The following EYS variants were observed in gnomAD, a reference collection of about 807,000 sequenced individuals.
EYS encodes EGF-like photoreceptor maintenance factor, also known as protein eyes shut homolog.
In EYS, 250 loss-of-function variants were observed where a neutral mutation model predicts 282.1. That is an observed-to-expected ratio of 0.89 (90% CI 0.80 to 0.98). The LOEUF (loss-of-function observed/expected upper bound fraction) is 0.98, where lower values mean the gene tolerates loss of function less well. Ranked by LOEUF, EYS falls within the 50% of genes least tolerant of loss-of-function variation. The pLI is 0.00. For missense variants in EYS, 4,016 were observed against 3,709.0 expected, an observed-to-expected ratio of 1.08 and a Z score of -2.15; for synonymous variants, 1,355 against 1,282.9, an observed-to-expected ratio of 1.06 and a Z score of -1.20.
chr6:65,296,671 T>C (rs1562079213), intron 11 of EYS, among the ~76,000 whole-genome samples: 1 of 151,918 alleles, frequency 6.6e-6, no homozygotes, highest in Non-Finnish European at 1.5e-5. Flanking sequence ...ATATCTGTAC[T>C]CTTGAATACA....
chr6:65,307,867 A>G (rs1400514812), intron 11 of EYS, among the ~76,000 whole-genome samples: 1 of 140,102 alleles, frequency 7.1e-6, no homozygotes, highest in African/African-American at 2.6e-5. Context: ...ATCTTGTCCA[A>G]CAAAAACCTA....
At chr6:64,210,614 C>G (rs902534098) in intron 31 of EYS, among the ~76,000 whole-genome samples, 1 of 151,942 alleles carries the variant, frequency 6.6e-6, no homozygotes, top group Admixed American at 6.6e-5. Flanking sequence ...TGAGAGGAAA[C>G]GACTCAAACC....
chr6:64,004,644 G>T (rs1046118856), intron 33 of EYS, among the ~76,000 whole-genome samples: 9 of 152,158 alleles, frequency 5.9e-5, no homozygotes, highest in African/African-American at 1.9e-4. Flanking sequence ...AGTGTCCGTT[G>T]TTGCCTTCTT....
chr6:65,705,932 A>C lies in EYS; in HGVS notation c.-448+1203T>G, dbSNP rs115740901. Among the ~76,000 whole-genome samples, 757 of 152,126 alleles carry C rather than the reference A, an allele frequency of 5.0e-3. 6 individuals carry two copies. The highest frequency in any genetic ancestry group is 0.017 in the African/African-American group (714 of 41,546). ...TCCACTAGTAATATTGTATTTCCTT[A>C]ATCCTGCTAATAATATAAACTGAAT... On this transcript the variant is annotated intron_variant, in intron 1 of 42. Coordinates refer to ENST00000503581, the MANE Select transcript of EYS (RefSeq NM_001142800.2).
intron 35 of EYS, among the ~76,000 whole-genome samples, chr6:63,878,473 AT>A (rs1773038813): frequency 6.6e-6 from 1 of 152,188 alleles, no homozygotes; most frequent in Non-Finnish European, 1.5e-5. Context: ...CTCAAACTCC[AT>A]GCTCGGAGAA....
At chr6:65,252,613 T>C (rs1327589343) in intron 12 of EYS, among the ~76,000 whole-genome samples, 3 of 151,962 alleles carry the variant, frequency 2.0e-5, no homozygotes, top group African/African-American at 2.4e-5. Context: ...TCAACTGATA[T>C]GGGAAAAGCC....
chr6:65,501,245 G>A (rs9453310), intron 2 of EYS, among the ~76,000 whole-genome samples: 28,959 of 151,616 alleles, frequency 0.19, 3,069 homozygotes, highest in East Asian at 0.31. Context: ...GTCTGTGTGT[G>A]GGAGAAGGGA....
intron 22 of EYS, among the ~76,000 whole-genome samples, chr6:64,792,280 A>G (rs1774214766): frequency 6.6e-6 from 1 of 152,014 alleles, no homozygotes; most frequent in Non-Finnish European, 1.5e-5. Context: ...GGTAAGAAGA[A>G]TGTGTCTGTA....
At chr6:64,449,303 AG>A (rs1677662834) in intron 26 of EYS, among the ~76,000 whole-genome samples, 1 of 152,142 alleles carries the variant, frequency 6.6e-6, no homozygotes, top group Non-Finnish European at 1.5e-5. Flanking sequence ...AAAAGGTTAG[AG>A]AAAAAAAAAT....
At chr6:64,930,248 T>C (rs1275222274) in intron 15 of EYS, among the ~76,000 whole-genome samples, 1 of 152,116 alleles carries the variant, frequency 6.6e-6, no homozygotes, top group Admixed American at 6.6e-5. Context: ...CCTGTGTCTG[T>C]TATATCTGTA....
At chr6:65,166,690 A>C (rs1048166519) in intron 12 of EYS, among the ~76,000 whole-genome samples, 1 of 151,170 alleles carries the variant, frequency 6.6e-6, no homozygotes, top group African/African-American at 2.4e-5. Flanking sequence ...ACAAAATCAT[A>C]AGTGACAAAA....
At chr6:63,790,825 G>A (rs1284138773) in intron 37 of EYS, among the ~76,000 whole-genome samples, 3 of 152,166 alleles carry the variant, frequency 2.0e-5, no homozygotes, top group Non-Finnish European at 4.4e-5. Context: ...GAGGGGATCT[G>A]AATTGTCTTT....
chr6:63,859,773 T>G (rs1772488807), intron 36 of EYS, among the ~76,000 whole-genome samples: 1 of 152,180 alleles, frequency 6.6e-6, no homozygotes, highest in Non-Finnish European at 1.5e-5. Flanking sequence ...TCTGCAGTGT[T>G]TGTTTGTCTC....
intron 12 of EYS, among the ~76,000 whole-genome samples, chr6:65,163,225 A>T (rs910560170): frequency 6.6e-6 from 1 of 151,198 alleles, no homozygotes; most frequent in Non-Finnish European, 1.5e-5. Context: ...TCTCCTATGT[A>T]TTTTAAAATT....
intron 2 of EYS, among the ~76,000 whole-genome samples, chr6:65,537,784 A>G (rs899711264): frequency 3.3e-5 from 5 of 152,238 alleles, no homozygotes; most frequent in Admixed American, 3.3e-4. Flanking sequence ...AGCCATTAGC[A>G]TGGGACAGCT....
chr6:64,622,590 C>T (rs1001944360), intron 23 of EYS, among the ~76,000 whole-genome samples: 2 of 152,006 alleles, frequency 1.3e-5, no homozygotes, highest in Non-Finnish European at 1.5e-5. Flanking sequence ...GAGATAAAAC[C>T]TTTTGGCATA....
At chr6:65,269,627 G>T (rs1767845278) in intron 12 of EYS, among the ~76,000 whole-genome samples, 1 of 152,070 alleles carries the variant, frequency 6.6e-6, no homozygotes, top group South Asian at 2.1e-4. Context: ...TATACTAGGT[G>T]GCCTATACAC....
intron 22 of EYS, among the ~76,000 whole-genome samples, chr6:64,789,576 C>T (rs1021818700): frequency 6.6e-6 from 1 of 152,062 alleles, no homozygotes; most frequent in Non-Finnish European, 1.5e-5. Flanking sequence ...TACCAAGGTG[C>T]CCTTCCTGAT....
intron 12 of EYS, among the ~76,000 whole-genome samples, chr6:65,122,686 G>A (rs965615359): frequency 6.6e-6 from 1 of 152,038 alleles, no homozygotes; most frequent in African/African-American, 2.4e-5. Context: ...AACATTTATT[G>A]AAGTTATAAA....
Sources: allele counts gnomAD v4.1 joint callset (sites outside exome capture counted in the v4.1 genomes callset), GRCh38; gene constraint gnomAD v4.1.1; transcripts MANE v1.5; gene names NCBI Gene and HGNC (gene_info 2026-07-23, HGNC 2026-07-21).